The following SETBP1 variants were observed in gnomAD, a reference collection of about 807,000 sequenced individuals.
SETBP1 encodes SET-binding protein.
A neutral mutation model predicts 101.0 loss-of-function variants in SETBP1; 9 were observed. The ratio of observed to expected loss-of-function variants is 0.09; its 90% confidence interval spans 0.05 to 0.16. The LOEUF (loss-of-function observed/expected upper bound fraction) is 0.16, where lower values mean the gene tolerates loss of function less well. Among genes scored for constraint, SETBP1 ranks in the 10% least tolerant of loss-of-function variants. SETBP1 has a pLI of 1.00. For missense variants in SETBP1, 1,858 were observed against 2,033.8 expected (o/e 0.91, Z 1.66); for synonymous variants, 818 against 788.5 (o/e 1.04, Z -0.63).
At chr18:44,860,993 G>A (rs1204433991) in intron 2 of SETBP1, among the ~76,000 whole-genome samples, 1 of 152,052 alleles carries the variant, frequency 6.6e-6, no homozygotes, top group African/African-American at 2.4e-5. Context: ...GTTAAAATAT[G>A]GATTTGCCAA....
At chr18:44,755,803 C>T (rs2070478890) in intron 2 of SETBP1, among the ~76,000 whole-genome samples, 1 of 152,114 alleles carries the variant, frequency 6.6e-6, no homozygotes, top group African/African-American at 2.4e-5. Flanking sequence ...TCCCATTTGT[C>T]CTGTCTCTCT....
At chr18:44,809,154 A>G (rs1435232569) in intron 2 of SETBP1, among the ~76,000 whole-genome samples, 2 of 152,198 alleles carry the variant, frequency 1.3e-5, no homozygotes, top group Non-Finnish European at 2.9e-5. Context: ...TATGTGAGAA[A>G]TAGTTGGATG....
intron 2 of SETBP1, among the ~76,000 whole-genome samples, chr18:44,727,493 G>A (rs1339217161): frequency 1.3e-5 from 2 of 152,160 alleles, no homozygotes; most frequent in Non-Finnish European, 2.9e-5. Context: ...AGTGTGGGGG[G>A]ATGGACAGTA....
intron 2 of SETBP1, among the ~76,000 whole-genome samples, chr18:44,848,703 AT>A (rs2072780959): frequency 6.6e-6 from 1 of 152,208 alleles, no homozygotes; most frequent in African/African-American, 2.4e-5. Flanking sequence ...TGCAGATTAC[AT>A]TTCTGACAAT....
intron 2 of SETBP1, among the ~76,000 whole-genome samples, chr18:44,847,961 C>T (rs910782039): frequency 3.1e-4 from 47 of 152,186 alleles, no homozygotes; most frequent in Admixed American, 5.9e-4. Context: ...AGTACAAGAG[C>T]CTGAAAGCTC....
intron 4 of SETBP1, among the ~76,000 whole-genome samples, chr18:45,022,070 C>A (rs1385108144): frequency 2.6e-5 from 4 of 152,166 alleles, no homozygotes; most frequent in Non-Finnish European, 5.9e-5. Flanking sequence ...TGCTTGGCCA[C>A]CTTCTCAAAA....
intron 4 of SETBP1, among the ~76,000 whole-genome samples, chr18:45,034,684 T>A (rs1277294163): frequency 3.9e-5 from 6 of 152,162 alleles, no homozygotes; most frequent in Non-Finnish European, 8.8e-5. Flanking sequence ...ATTTTCCTCT[T>A]TAAAAACTTA....
At chr18:44,877,824 T>C (rs2069443376) in intron 3 of SETBP1, among the ~76,000 whole-genome samples, 1 of 152,190 alleles carries the variant, frequency 6.6e-6, no homozygotes. Flanking sequence ...CTCCAGGTGT[T>C]TTCCAGAAAG....
At chr18:44,753,059 TG>T (rs1296608844) in intron 2 of SETBP1, among the ~76,000 whole-genome samples, 8 of 152,224 alleles carry the variant, frequency 5.3e-5, no homozygotes. Context: ...GGGACAATTA[TG>T]GTTTTTTTAT....
chr18:44,692,978 A>G (rs1177131230), intron 1 of SETBP1, among the ~76,000 whole-genome samples: 1 of 152,220 alleles, frequency 6.6e-6, no homozygotes, highest in East Asian at 1.9e-4. Context: ...AGTGCAGAGT[A>G]TAAAAACACC....
At position 44,876,992 on chromosome 18, in the gene SETBP1, T is replaced by A. The variant is rs946897075; in HGVS notation, c.540+7709T>A. Reference sequence around the variant, plus strand: ...GGCCCTGATGCAGCATTCACTGTCTTCCAGGGCAGGCTTGATCCCATGAGT... The same window carrying A: ...GGCCCTGATGCAGCATTCACTGTCTACCAGGGCAGGCTTGATCCCATGAGT... On this transcript the variant is annotated intron_variant, in intron 3 of 5. Coordinates refer to ENST00000649279, the MANE Select transcript of SETBP1 (RefSeq NM_015559.3). 3.5e-5 allele frequency: 43 copies of A among 1,221,978 alleles called. 1 individual carries two copies. In the East Asian group the frequency reaches 1.4e-3, roughly 39 times the overall value. The allele number at this position is 1,221,978 out of a possible 1,614,324, so 75.7% of individuals were successfully genotyped here.
intron 4 of SETBP1, among the ~76,000 whole-genome samples, chr18:45,005,836 C>T (rs555847092): frequency 2.9e-4 from 43 of 150,528 alleles, no homozygotes; most frequent in African/African-American, 1.0e-3. Flanking sequence ...TTAGTAGAGA[C>T]GGGGTTTCAC....
At chr18:44,790,391 G>C (rs920103606) in intron 2 of SETBP1, among the ~76,000 whole-genome samples, 7 of 152,138 alleles carry the variant, frequency 4.6e-5, no homozygotes, top group African/African-American at 1.7e-4. Context: ...AGATTTTGTT[G>C]CCTGAGCAGA....
Position 44,807,975 on chromosome 18 carries a change from C to A in SETBP1, c.487-61255C>A, listed in dbSNP as rs552354550. On this transcript the variant is annotated intron_variant, in intron 2 of 5. Coordinates refer to ENST00000649279, the MANE Select transcript of SETBP1 (RefSeq NM_015559.3). Reference sequence around the variant, plus strand: ...CTCAGGGTCAACAAAGCCATCAGAACCTACGAATAGGCAGTGGAATCTTCA... The same window carrying A: ...CTCAGGGTCAACAAAGCCATCAGAAACTACGAATAGGCAGTGGAATCTTCA... Among the ~76,000 whole-genome samples, 63 of 152,256 alleles carry A rather than the reference C, an allele frequency of 4.1e-4. 4 individuals are homozygous for A. In the South Asian group the frequency reaches 0.013, roughly 31 times the overall value.
chr18:44,729,086 T>C (rs752878507), intron 2 of SETBP1, among the ~76,000 whole-genome samples: 3 of 152,220 alleles, frequency 2.0e-5, no homozygotes, highest in African/African-American at 7.2e-5. Context: ...ACACAGTAGG[T>C]CATCTGCCTG....
intron 2 of SETBP1, among the ~76,000 whole-genome samples, chr18:44,851,209 A>C (rs1249577775): frequency 6.6e-6 from 1 of 152,226 alleles, no homozygotes; most frequent in Non-Finnish European, 1.5e-5. Flanking sequence ...CTAAGTGGTA[A>C]ATAAGTGGCA....
In SETBP1 at chr18:44,952,613, A is replaced by G; in HGVS notation, c.3273A>G (p.Pro1091=). The G allele has an allele frequency of 6.2e-7, 1 of 1,613,214 alleles. No individual in the cohort carries two copies. Among genetic ancestry groups the G allele is most frequent in the Non-Finnish European group, 8.5e-7 (1 of 1,179,552 alleles). Reference sequence around the variant, plus strand: ...CCCCATTCATGAGGCCAACAGTGCCACCACCTCAGTTCCACACAAACTCCC... The same window carrying G: ...CCCCATTCATGAGGCCAACAGTGCCGCCACCTCAGTTCCACACAAACTCCC... ...AASPFMRPTV[P]PPQFHTNSHV... is the part of the protein sequence containing the mutation. The change falls in exon 4 of 6, where the codon CCA becomes CCG. Residue 1091 remains proline (P), a synonymous_variant. Coordinates refer to ENST00000649279, the MANE Select transcript of SETBP1 (RefSeq NM_015559.3).
At chr18:44,948,502 T>TAGATAGAC (rs2071262184) in intron 3 of SETBP1, among the ~76,000 whole-genome samples, 2 of 147,790 alleles carry the variant, frequency 1.4e-5, no homozygotes, top group Admixed American at 6.7e-5. Flanking sequence ...AGATAGATGA[T>TAGATAGAC]AGATAGATAG....
At chr18:44,833,639 A>G (rs1484155976) in intron 2 of SETBP1, among the ~76,000 whole-genome samples, 4 of 152,244 alleles carry the variant, frequency 2.6e-5, no homozygotes, top group Non-Finnish European at 5.9e-5. Flanking sequence ...AAGTGTGCCC[A>G]GTGGTTCCTG....
Sources: allele counts gnomAD v4.1 joint callset (sites outside exome capture counted in the v4.1 genomes callset), GRCh38; gene constraint gnomAD v4.1.1; transcripts MANE v1.5; gene names NCBI Gene and HGNC (gene_info 2026-07-23, HGNC 2026-07-21).